The following CCSER1 variants were observed in gnomAD, a reference collection of about 807,000 sequenced individuals.
CCSER1 encodes the protein coiled-coil serine rich protein 1, also known as serine-rich coiled-coil domain-containing protein 1.
A neutral mutation model predicts 82.0 loss-of-function variants in CCSER1; 41 were observed. The observed-to-expected ratio is 0.50, with a 90% CI of 0.39 to 0.65. The LOEUF (loss-of-function observed/expected upper bound fraction) is 0.65. CCSER1 is among the 30% of genes least tolerant of loss of function. The pLI, the probability that CCSER1 is intolerant of heterozygous loss-of-function variation, is 0.00. For synonymous variants in CCSER1, 414 were observed against 383.9 expected, an observed-to-expected ratio of 1.08 and a Z score of -0.92; for missense variants, 1,119 against 1,064.2, an observed-to-expected ratio of 1.05 and a Z score of -0.72.
intron 9 of CCSER1, among the ~76,000 whole-genome samples, chr4:90,973,163 G>T (rs1212380039): frequency 2.0e-5 from 3 of 151,668 alleles, no homozygotes; most frequent in South Asian, 4.1e-4. Flanking sequence ...AGACAAGTAG[G>T]TTTTTTCATC....
intron 5 of CCSER1, among the ~76,000 whole-genome samples, chr4:90,584,962 T>G (rs1225575047): frequency 6.6e-6 from 1 of 152,180 alleles, no homozygotes; most frequent in East Asian, 1.9e-4. Flanking sequence ...TGAAAGAAGA[T>G]ATTCACAATA....
At chr4:91,167,519 T>C (rs919963172) in intron 10 of CCSER1, among the ~76,000 whole-genome samples, 1 of 152,220 alleles carries the variant, frequency 6.6e-6, no homozygotes, top group South Asian at 2.1e-4. Context: ...TGCAATATCT[T>C]ATTTTTGTGT....
intron 5 of CCSER1, among the ~76,000 whole-genome samples, chr4:90,498,261 G>A (rs1197089397): frequency 6.6e-6 from 1 of 152,068 alleles, no homozygotes; most frequent in African/African-American, 2.4e-5. Flanking sequence ...ACAATTTACT[G>A]TAATAAAAGT....
intron 1 of CCSER1, among the ~76,000 whole-genome samples, chr4:90,235,753 C>T (rs1341214072): frequency 6.6e-6 from 1 of 151,788 alleles, no homozygotes; most frequent in Non-Finnish European, 1.5e-5. Context: ...ATTTGAAGCT[C>T]TGTCAATAAT....
chr4:90,294,639 A>G lies in CCSER1; in HGVS notation c.-41-13605A>G, dbSNP rs147521953. Among the ~76,000 whole-genome samples the G allele has an allele frequency of 9.3e-3, 1,419 of 152,044 alleles. 17 individuals carry two copies. Among genetic ancestry groups the G allele is most frequent in the African/African-American group, 0.032 (1,342 of 41,492 alleles). ...TACATGCGTATTTCTATATCCTTCC[A>G]TATTTTGTAGTTTTTAAATAGGCTA... On this transcript the variant is annotated intron_variant, in intron 1 of 10. Transcript: ENST00000509176.
chr4:90,649,966 C>T (rs956203955), intron 6 of CCSER1, among the ~76,000 whole-genome samples: 1 of 152,044 alleles, frequency 6.6e-6, no homozygotes, highest in East Asian at 1.9e-4. Flanking sequence ...CCTGTAATCC[C>T]AGCACTTTGG....
intron 3 of CCSER1, among the ~76,000 whole-genome samples, chr4:90,372,359 A>G (rs1265203435): frequency 6.6e-6 from 1 of 152,190 alleles, no homozygotes; most frequent in African/African-American, 2.4e-5. Context: ...GGGAGAAGAA[A>G]GCAATATTGT....
intron 1 of CCSER1, among the ~76,000 whole-genome samples, chr4:90,164,855 G>T (rs898551964): frequency 6.6e-6 from 1 of 152,060 alleles, no homozygotes; most frequent in Non-Finnish European, 1.5e-5. Context: ...AAACTTGAAT[G>T]TTTTTGAATT....
intron 5 of CCSER1, among the ~76,000 whole-genome samples, chr4:90,510,629 C>T (rs1399823259): frequency 6.6e-6 from 1 of 152,134 alleles, no homozygotes; most frequent in East Asian, 1.9e-4. Context: ...ATTCCTATTG[C>T]AACAATGAGG....
chr4:90,998,291 G>T (rs984851932), intron 9 of CCSER1, among the ~76,000 whole-genome samples: 2 of 152,006 alleles, frequency 1.3e-5, no homozygotes, highest in African/African-American at 4.8e-5. Context: ...TGTTGATCAA[G>T]CTCGTCTCAA....
chr4:90,414,401 T>C (rs1168331297), intron 4 of CCSER1, among the ~76,000 whole-genome samples: 1 of 152,048 alleles, frequency 6.6e-6, no homozygotes, highest in African/African-American at 2.4e-5. Context: ...CACAGGATTA[T>C]AAGTTTTTTA....
chr4:91,569,981 G>A (rs1347997127), intron 10 of CCSER1, among the ~76,000 whole-genome samples: 1 of 152,104 alleles, frequency 6.6e-6, no homozygotes, highest in Non-Finnish European at 1.5e-5. Flanking sequence ...TATGATGGGG[G>A]AAAAGGCACT....
At chr4:90,959,381 C>G (rs750983394) in intron 9 of CCSER1, among the ~76,000 whole-genome samples, 2 of 152,122 alleles carry the variant, frequency 1.3e-5, no homozygotes, top group Non-Finnish European at 2.9e-5. Flanking sequence ...ATGTTGGAAT[C>G]CATTTCATCT....
At chr4:91,436,546 T>A (rs1332313390) in intron 10 of CCSER1, among the ~76,000 whole-genome samples, 1 of 152,218 alleles carries the variant, frequency 6.6e-6, no homozygotes, top group Non-Finnish European at 1.5e-5. Context: ...CTTCAAGACA[T>A]AGAAATGGAG....
At chr4:91,043,714 C>A (rs770121150) in intron 9 of CCSER1, among the ~76,000 whole-genome samples, 5 of 151,718 alleles carry the variant, frequency 3.3e-5, no homozygotes, top group Non-Finnish European at 5.9e-5. Context: ...CCTCAGCCTC[C>A]CGAGTAACTG....
At chr4:90,933,088 A>AAAAGAAAGAAAGAAAAGT (rs745969187) in intron 9 of CCSER1, among the ~76,000 whole-genome samples, 4 of 50,286 alleles carry the variant, frequency 8.0e-5, no homozygotes, top group Non-Finnish European at 1.6e-4. Flanking sequence ...GAAAGAAAAG[A>AAAAGAAAGAAAGAAAAGT]AAAGAAAGAA....
At chr4:90,242,701 C>T (rs918816616) in intron 1 of CCSER1, among the ~76,000 whole-genome samples, 8 of 152,070 alleles carry the variant, frequency 5.3e-5, no homozygotes, top group African/African-American at 1.2e-4. Flanking sequence ...TTATAGAGCA[C>T]GTTTATTGAG....
intron 10 of CCSER1, among the ~76,000 whole-genome samples, chr4:91,317,187 A>G (rs921828174): frequency 6.6e-6 from 1 of 152,002 alleles, no homozygotes; most frequent in Admixed American, 6.6e-5. Flanking sequence ...CAAAAATTAA[A>G]TTAAAAAAAG....
At chr4:90,682,408 A>G in intron 6 of CCSER1, among the ~76,000 whole-genome samples, 1 of 152,014 alleles carries the variant, frequency 6.6e-6, no homozygotes, top group East Asian at 1.9e-4. Context: ...GGCCTGGTGA[A>G]TGCTTTCCTT....
Sources: allele counts gnomAD v4.1 joint callset (sites outside exome capture counted in the v4.1 genomes callset), GRCh38; gene constraint gnomAD v4.1.1; transcripts MANE v1.5; gene names NCBI Gene and HGNC (gene_info 2026-07-23, HGNC 2026-07-21).